ATE1: variants seen among roughly 807,000 people sequenced by gnomAD.
ATE1 encodes arginyltransferase 1, also known as arginyl-tRNA--protein transferase 1.
Under a neutral mutation model 70.5 loss-of-function variants are expected in ATE1, and 36 were observed. The ratio of observed to expected loss-of-function variants is 0.51; its 90% confidence interval spans 0.39 to 0.67. The LOEUF (loss-of-function observed/expected upper bound fraction) is 0.67. Ranked by LOEUF, ATE1 falls within the 30% of genes least tolerant of loss-of-function variation. The pLI, the probability that ATE1 is intolerant of heterozygous loss-of-function variation, is 0.00. For missense variants in ATE1, 593 were observed against 629.5 expected, an observed-to-expected ratio of 0.94 and a Z score of 0.62; for synonymous variants, 232 against 219.3, an observed-to-expected ratio of 1.06 and a Z score of -0.51.
intron 7 of ATE1, among the ~76,000 whole-genome samples, chr10:121,884,039 G>A (rs183855519): frequency 0.014 from 2,023 of 142,040 alleles, 48 homozygotes; most frequent in African/African-American, 0.049. Flanking sequence ...CTCGGAGGCA[G>A]AGGTTGCAGT....
intron 11 of ATE1, among the ~76,000 whole-genome samples, chr10:121,765,983 C>T (rs775644112): frequency 1.3e-5 from 2 of 152,122 alleles, no homozygotes; most frequent in Admixed American, 6.5e-5. Context: ...TAGGAGACTG[C>T]CATGGTGATA....
chr10:121,765,532 A>G (rs117277067), intron 11 of ATE1, among the ~76,000 whole-genome samples: 1,935 of 152,354 alleles, frequency 0.013, 36 homozygotes, highest in Admixed American at 0.045. Flanking sequence ...ATTCAGACAT[A>G]TACAAAGCCT....
chr10:121,847,756 CAAAAAAAA>C (rs34868723), intron 8 of ATE1, among the ~76,000 whole-genome samples: 11 of 60,844 alleles, frequency 1.8e-4, no homozygotes, highest in African/African-American at 5.8e-4. Context: ...GACTCTGTCT[CAAAAAAAA>C]AAAAAAAAAA....
chr10:121,793,877 C>T (rs11200159), intron 10 of ATE1, among the ~76,000 whole-genome samples: 5 of 151,874 alleles, frequency 3.3e-5, no homozygotes, highest in Non-Finnish European at 5.9e-5. Context: ...ATAATTAAGA[C>T]GGCCACCCTC....
chr10:121,902,723 G>C, intron 5 of ATE1, 103 bp from the exon 6 acceptor site: 1 of 1,160,992 alleles, frequency 8.6e-7, no homozygotes, highest in Middle Eastern at 2.3e-4. Context: ...AGTTTCAATG[G>C]TTAGGCTAGC....
intron 3 of ATE1, among the ~76,000 whole-genome samples, chr10:121,921,670 T>A (rs1260006164): frequency 6.6e-6 from 1 of 152,096 alleles, no homozygotes; most frequent in African/African-American, 2.4e-5. Flanking sequence ...CAAACCTAGA[T>A]AACGGACATC....
intron 11 of ATE1, among the ~76,000 whole-genome samples, chr10:121,766,081 C>A (rs1361287702): frequency 1.3e-5 from 2 of 152,236 alleles, no homozygotes; most frequent in Admixed American, 1.3e-4. Context: ...CCTAAAACTG[C>A]CTGCCATAAT....
chr10:121,769,517 A>G (rs1393349786), intron 11 of ATE1, among the ~76,000 whole-genome samples: 1 of 152,182 alleles, frequency 6.6e-6, no homozygotes. Flanking sequence ...ATAACACCAA[A>G]TGCATGATGC....
Position 121,913,859 on chromosome 10 carries a change from G to C in ATE1, c.268C>G (p.His90Asp). 1 of 1,612,262 alleles carries C rather than the reference G, an allele frequency of 6.2e-7. No homozygotes were observed. Among genetic ancestry groups the C allele is most frequent in the Non-Finnish European group, 8.5e-7 (1 of 1,178,786 alleles). The change falls in exon 4 of 12, where the codon CAC becomes GAC. Residue 90 changes from histidine (H) to aspartate (D), a missense_variant. Physicochemically the swap from His to Asp is moderately conservative, Grantham distance 81. This residue lies in a region of ATE1 where 467 missense variants were observed against 469.6 expected (regional missense o/e 0.99). Transcript: ENST00000224652. ...AACATTTTTTTCAAAACCTTCTTGT[G>C]AGATTTTGAAGGCTGAAATTGTAAA... ...RPLQFQPSKS[H>D]KKVLKKMLKF...
chr10:121,766,660 C>T (rs11200138), intron 11 of ATE1, among the ~76,000 whole-genome samples: 17,464 of 151,876 alleles, frequency 0.11, 1,105 homozygotes, highest in South Asian at 0.19. Flanking sequence ...AGGAAAGGGG[C>T]GGCCTACACA....
chr10:121,828,192 C>CTT (rs1948100749), intron 10 of ATE1, among the ~76,000 whole-genome samples: 1 of 152,232 alleles, frequency 6.6e-6, no homozygotes, highest in Non-Finnish European at 1.5e-5. Context: ...TCTTACATTA[C>CTT]ACCATCAGAA....
At chr10:121,781,143 T>C (rs1266626027) in intron 11 of ATE1, among the ~76,000 whole-genome samples, 2 of 151,466 alleles carry the variant, frequency 1.3e-5, no homozygotes, top group African/African-American at 2.4e-5. Context: ...CATGATCAAA[T>C]GACATGAGGC....
chr10:121,888,736 TCCCA>T (rs1183518651), intron 7 of ATE1, among the ~76,000 whole-genome samples: 1 of 152,030 alleles, frequency 6.6e-6, no homozygotes, highest in East Asian at 1.9e-4. Flanking sequence ...CTACTAAAAT[TCCCA>T]CCAACAGTAG....
Position 121,755,070 on chromosome 10 carries a change from G to T in ATE1, c.1379-11212C>A, listed in dbSNP as rs912750134. ...GTTCTAGACAAAAGGGGCCTAAAAA[G>T]ACACAACAATAAATGTAACACAGGA... On this transcript the variant is annotated intron_variant, in intron 11 of 11. Transcript: ENST00000224652. 3.3e-5 allele frequency among the ~76,000 whole-genome samples: 5 copies of T among 152,146 alleles called. No individual in the cohort carries two copies. In the South Asian group the frequency reaches 1.0e-3, roughly 32 times the overall value.
At chr10:121,771,600 C>CA (rs1945520647) in intron 11 of ATE1, among the ~76,000 whole-genome samples, 2 of 152,056 alleles carry the variant, frequency 1.3e-5, no homozygotes, top group South Asian at 4.2e-4. Context: ...ATTTTTAATC[C>CA]CAAACAATGG....
intron 11 of ATE1, among the ~76,000 whole-genome samples, chr10:121,786,627 C>A (rs1293396791): frequency 6.8e-6 from 1 of 146,328 alleles, no homozygotes; most frequent in Non-Finnish European, 1.5e-5. Flanking sequence ...CAAGATCATA[C>A]CAGCCTGGCC....
At chr10:121,911,452 A>AC (rs1035502085) in intron 4 of ATE1, among the ~76,000 whole-genome samples, 7 of 151,470 alleles carry the variant, frequency 4.6e-5, no homozygotes, top group Non-Finnish European at 8.9e-5. Context: ...TAAAAAAAAA[A>AC]AAAAAAAACA....
rs954464698 is a variant in ATE1, at chr10:121,888,343, G to A, written c.942+11523C>T. On this transcript the variant is annotated intron_variant, in intron 7 of 11. Transcript: ENST00000224652. ...TGGGAGGCAGAGCTTGCAGTGAGCC[G>A]AAATCACGCGACTGCACTCCAGCCT... 3.9e-5 allele frequency among the ~76,000 whole-genome samples: 6 copies of A among 152,050 alleles called. No individual in the cohort carries two copies. In the East Asian group the frequency reaches 5.8e-4, roughly 15 times the overall value.
At chr10:121,757,616 T>C (rs998034282) in intron 11 of ATE1, among the ~76,000 whole-genome samples, 1 of 152,236 alleles carries the variant, frequency 6.6e-6, no homozygotes, top group Non-Finnish European at 1.5e-5. Context: ...ACATGGATGA[T>C]GGCAGCAAAG....
Sources: allele counts gnomAD v4.1 joint callset (sites outside exome capture counted in the v4.1 genomes callset), GRCh38; gene constraint gnomAD v4.1.1; regional missense constraint gnomAD v4.1.1; transcripts MANE v1.5; gene names NCBI Gene and HGNC (gene_info 2026-07-23, HGNC 2026-07-21).